Variants in STAT1 observed in about 807,000 individuals in gnomAD.
STAT1 encodes signal transducer and activator of transcription 1-alpha/beta.
Under a neutral mutation model 111.7 loss-of-function variants are expected in STAT1, and 24 were observed. The observed-to-expected ratio is 0.21, with a 90% CI of 0.16 to 0.30. The LOEUF (loss-of-function observed/expected upper bound fraction) is 0.30, where lower values mean the gene tolerates loss of function less well. Ranked by LOEUF, STAT1 falls within the 10% of genes least tolerant of loss-of-function variation. The pLI, the probability that STAT1 is intolerant of heterozygous loss-of-function variation, is 1.00. For missense variants in STAT1, 351 were observed against 911.9 expected, an observed-to-expected ratio of 0.38 and a Z score of 7.92; for synonymous variants, 332 against 326.5, an observed-to-expected ratio of 1.02 and a Z score of -0.18.
intron 2 of STAT1, among the ~76,000 whole-genome samples, chr2:191,011,414 GGT>G (rs138763777): frequency 5.3e-5 from 8 of 151,628 alleles, no homozygotes; most frequent in Non-Finnish European, 1.0e-4. Flanking sequence ...CTATCAACAA[GGT>G]GTGTGTGTGT....
Position 191,007,531 on chromosome 2 carries a change from T to C in STAT1, c.372+32A>G. 6.8e-7 allele frequency: 1 copy of C among 1,471,064 alleles called. No homozygotes were observed. The highest frequency in any genetic ancestry group is 9.5e-7 in the Non-Finnish European group (1 of 1,050,930). 91.1% of individuals were successfully genotyped at this position (1,471,064 alleles called of 1,614,324 possible). A position where few individuals can be genotyped will look rare whatever the true frequency, so the allele number is the denominator to read the frequency against. ...ATGAATGAATACATTTTTATTTTAT[T>C]ACAGTTTATGTGTTCAATGAGAAAA... On this transcript the variant is annotated intron_variant, in intron 5 of 24. Transcript: ENST00000361099. The surrounding 1 kb of genome is among the most constrained non-coding windows in gnomAD (Gnocchi z 4.2).
At position 191,008,839 on chromosome 2, in the gene STAT1, A is replaced by T. The variant is rs1396909668; in HGVS notation, c.273+124T>A. The T allele has an allele frequency of 7.2e-6, 7 of 966,960 alleles. No homozygotes were observed. In the Admixed American group the frequency reaches 1.7e-4, roughly 24 times the overall value. The allele number at this position is 966,960 out of a possible 1,614,324, so 59.9% of individuals were successfully genotyped here. A position where few individuals can be genotyped will look rare whatever the true frequency, so the allele number is the denominator to read the frequency against. On this transcript the variant is annotated intron_variant, in intron 4 of 24. Transcript: ENST00000361099. ...CTGATGCTGTAGAAAACATAAATGG[A>T]GTTAGTCTCTATTACTTCTCTAAAT...
rs1164106668 is a variant in STAT1 at position 190,989,916 on chromosome 2, C to A, written c.1038-242G>T. Among the ~76,000 whole-genome samples the A allele has an allele frequency of 1.3e-5, 2 of 152,184 alleles. No homozygotes were observed. Among genetic ancestry groups the A allele is most frequent in the Non-Finnish European group, 2.9e-5 (2 of 68,028 alleles). On this transcript the variant is annotated intron_variant, in intron 11 of 24. Coordinates refer to ENST00000361099, the MANE Select transcript of STAT1 (RefSeq NM_007315.4). The surrounding 1 kb of genome is among the most constrained non-coding windows in gnomAD (Gnocchi z 5.0). Reference sequence around the variant, plus strand: ...AACACTAATTCTGACAGGATGCCGCCCTGATTTTACATTGCCACCAAAAGT... The same window carrying A: ...AACACTAATTCTGACAGGATGCCGCACTGATTTTACATTGCCACCAAAAGT...
In STAT1 at chr2:190,986,267, G is replaced by A. The variant is rs114120411; in HGVS notation, c.1221+587C>T. On this transcript the variant is annotated intron_variant, in intron 14 of 24. Transcript: ENST00000361099. This position sits in a 1 kb window ranked among gnomAD's most constrained non-coding sequence, Gnocchi z 5.0. ...AGGTTCTGGGCCCAGGGAAAGCTTC[G>A]GACTCAGCACCCACAGAGCCTCACA... 2.3e-3 allele frequency among the ~76,000 whole-genome samples: 349 copies of A among 152,234 alleles called. 2 individuals carry two copies. The highest frequency in any genetic ancestry group is 7.3e-3 in the African/African-American group (303 of 41,510).
chr2:190,995,952 G>C lies in STAT1; in HGVS notation c.786-733C>G, dbSNP rs1429331971. ...AAGCAGGTGCTTCCAGGTGATGCAA[G>C]AGGCAGCAAAGAGCCACTGCAGGTT... On this transcript the variant is annotated intron_variant, in intron 9 of 24. Coordinates refer to ENST00000361099, the MANE Select transcript of STAT1 (RefSeq NM_007315.4). The surrounding 1 kb of genome is among the most constrained non-coding windows in gnomAD (Gnocchi z 4.2). Among the ~76,000 whole-genome samples, 1 of 152,188 alleles carries C rather than the reference G, an allele frequency of 6.6e-6. No homozygotes were observed. Among genetic ancestry groups the C allele is most frequent in the East Asian group, 1.9e-4 (1 of 5,184 alleles).
intron 24 of STAT1, among the ~76,000 whole-genome samples, chr2:190,972,346 C>T (rs989116262): frequency 1.3e-5 from 2 of 152,210 alleles, no homozygotes; most frequent in African/African-American, 4.8e-5. Context: ...CTATTACAGT[C>T]CCAGAGGAAA....
chr2:190,994,927 A>AAAATAT (rs1165918318), intron 10 of STAT1, 134 bp downstream of exon 10: 145 of 135,090 alleles, frequency 1.1e-3, no homozygotes, highest in Middle Eastern at 3.2e-3. Flanking sequence ...AAAAAAAAAA[A>AAAATAT]ATATATATAT....
Position 190,974,813 on chromosome 2 carries a change from C to T in STAT1, c.2238+17G>A. The T allele has an allele frequency of 6.2e-7, 1 of 1,605,806 alleles. No individual in the cohort carries two copies. The highest frequency in any genetic ancestry group is 8.5e-7 in the Non-Finnish European group (1 of 1,172,514). ...ACACTTATTGAGAGCTACACACAGG[C>T]CAGCCGTGGTACTCACCATACTGTC... On this transcript the variant is annotated intron_variant, in intron 24 of 24. Transcript: ENST00000361099. This position sits in a 1 kb window ranked among gnomAD's most constrained non-coding sequence, Gnocchi z 4.8.
At position 190,993,387 on chromosome 2, in the gene STAT1, T is replaced by G; in HGVS notation, c.944+1674A>C. ...TCTGCTGTGTTCCATATTTGAAGCTTGATTGTTTTCCCGTCTAACTCTATA... is the reference window on the plus strand; with the variant it reads ...TCTGCTGTGTTCCATATTTGAAGCTGGATTGTTTTCCCGTCTAACTCTATA... On this transcript the variant is annotated intron_variant, in intron 10 of 24. Coordinates refer to ENST00000361099, the MANE Select transcript of STAT1 (RefSeq NM_007315.4). The surrounding 1 kb of genome is among the most constrained non-coding windows in gnomAD (Gnocchi z 4.1). 7.4e-7 allele frequency: 1 copy of G among 1,350,570 alleles called. No homozygotes were observed. 83.7% of individuals were successfully genotyped at this position (1,350,570 alleles called of 1,614,324 possible).
In STAT1 at chr2:191,009,383, C is replaced by T. The variant is rs564602857; in HGVS notation, c.129-276G>A. ...GAAGGGGGAAAAGTCAACAGGGGAC[C>T]CTTCACTTTCTATGTCAAATACTTT... On this transcript the variant is annotated intron_variant, in intron 3 of 24. Coordinates refer to ENST00000361099, the MANE Select transcript of STAT1 (RefSeq NM_007315.4). Among the ~76,000 whole-genome samples the T allele has an allele frequency of 7.9e-5, 12 of 152,066 alleles. No homozygotes were observed. In the East Asian group the frequency reaches 2.3e-3, roughly 29 times the overall value.
intron 10 of STAT1, chr2:190,992,761 T>C (rs1693474943): frequency 2.7e-6 from 2 of 737,476 alleles, no homozygotes; most frequent in South Asian, 2.7e-5. Flanking sequence ...GCCATCATCA[T>C]GGAACACAGT....
Position 190,974,630 on chromosome 2 carries a change from G to A in STAT1, c.2238+200C>T, listed in dbSNP as rs1184822071. Among the ~76,000 whole-genome samples the A allele has an allele frequency of 2.6e-5, 4 of 152,224 alleles. No homozygotes were observed. Among genetic ancestry groups the A allele is most frequent in the Non-Finnish European group, 5.9e-5 (4 of 68,040 alleles). On this transcript the variant is annotated intron_variant, in intron 24 of 24. Coordinates refer to ENST00000361099, the MANE Select transcript of STAT1 (RefSeq NM_007315.4). This position sits in a 1 kb window ranked among gnomAD's most constrained non-coding sequence, Gnocchi z 4.8. ...GTTTTTTGGAAGGTGCTGAATGCGA[G>A]GAATAAAAATCCCACTGATGATGTA...
chr2:190,972,003 G>A (rs1285060995), intron 24 of STAT1, among the ~76,000 whole-genome samples: 3 of 152,152 alleles, frequency 2.0e-5, no homozygotes, highest in Non-Finnish European at 2.9e-5. Flanking sequence ...GTGAGCCACC[G>A]CGCCCGGCCT....
In STAT1 at chr2:190,999,779, C is replaced by G. The variant is rs1694127273; in HGVS notation, c.463-75G>C. 1.9e-6 allele frequency: 2 copies of G among 1,027,858 alleles called. No individual in the cohort carries two copies. The highest frequency in any genetic ancestry group is 2.6e-5 in the South Asian group (2 of 76,904). 63.7% of individuals were successfully genotyped at this position (1,027,858 alleles called of 1,614,324 possible). A position where few individuals can be genotyped will look rare whatever the true frequency, so the allele number is the denominator to read the frequency against. On this transcript the variant is annotated intron_variant, in intron 6 of 24. Transcript: ENST00000361099. The surrounding 1 kb of genome is among the most constrained non-coding windows in gnomAD (Gnocchi z 4.1). ...GACTTTAGGCAACAGAGTATTGCTT[C>G]TATGGAACCCAGAGAAACACGAAAA... is the stretch of plus-strand genomic sequence containing the variant.
Position 190,978,416 on chromosome 2 carries a change from A to C in STAT1, c.1873+440T>G, listed in dbSNP as rs1441263510. 1 of 231,470 alleles carries C rather than the reference A, an allele frequency of 4.3e-6. No homozygotes were observed. Among genetic ancestry groups the C allele is most frequent in the African/African-American group, 2.2e-5 (1 of 45,062 alleles). The allele number at this position is 231,470 out of a possible 1,614,324, so 14.3% of individuals were successfully genotyped here. A position where few individuals can be genotyped will look rare whatever the true frequency, so the allele number is the denominator to read the frequency against. The stretch of plus-strand genomic sequence containing the variant: ...AGGGTAGAGGCTGCCACTCGTCCCA[A>C]CAGGTCCTGCATCAACTCCCTGGCT... On this transcript the variant is annotated intron_variant, in intron 21 of 24. Transcript: ENST00000361099. This position sits in a 1 kb window ranked among gnomAD's most constrained non-coding sequence, Gnocchi z 6.1.
rs1013538894 is a variant in STAT1, at chr2:190,978,902, T to C, written c.1827A>G (p.Glu609=). The stretch of plus-strand genomic sequence containing the variant: ...CCACCCATGTGAATGTGATGGCCCC[T>C]TCCCGGGAGCTCTCACTGAACCGCA... The part of the protein sequence containing the change: ...FLLRFSESSR[E]GAITFTWVER... Residue 609 remains glutamate (E), a synonymous_variant, in exon 21 of 25, where the codon GAA becomes GAG. Coordinates refer to ENST00000361099, the MANE Select transcript of STAT1 (RefSeq NM_007315.4). The surrounding 1 kb of genome is among the most constrained non-coding windows in gnomAD (Gnocchi z 6.1). 4 of 1,614,166 alleles carry C rather than the reference T, an allele frequency of 2.5e-6. No homozygotes were observed. The highest frequency in any genetic ancestry group is 1.6e-4 in the Middle Eastern group (1 of 6,062).
rs1691777971 is a variant in STAT1, at chr2:190,974,821, G to A, written c.2238+9C>T. 6.2e-7 allele frequency: 1 copy of A among 1,610,250 alleles called. No homozygotes were observed. Among genetic ancestry groups the A allele is most frequent in the Non-Finnish European group, 8.5e-7 (1 of 1,176,652 alleles). ...TGAGAGCTACACACAGGCCAGCCGT[G>A]GTACTCACCATACTGTCGAATTCTA... is the stretch of plus-strand genomic sequence containing the variant. On this transcript the variant is annotated intron_variant, in intron 24 of 24. Transcript: ENST00000361099. This position sits in a 1 kb window ranked among gnomAD's most constrained non-coding sequence, Gnocchi z 4.8.
At chr2:191,008,559 C>A (rs540291613) in intron 4 of STAT1, among the ~76,000 whole-genome samples, 1 of 152,190 alleles carries the variant, frequency 6.6e-6, no homozygotes, top group Non-Finnish European at 1.5e-5. Context: ...CTGTTTTATT[C>A]CTCATTTGCA....
In STAT1 at chr2:190,983,030, T is replaced by C. The variant is rs1021140532; in HGVS notation, c.1447-512A>G. ...CATGGGAAGGCTGGGATGTGCCTTATGGAGAAAATACATGTGTGAGGCAAG... is the reference window on the plus strand; with the variant it reads ...CATGGGAAGGCTGGGATGTGCCTTACGGAGAAAATACATGTGTGAGGCAAG... On this transcript the variant is annotated intron_variant, in intron 17 of 24. Coordinates refer to ENST00000361099, the MANE Select transcript of STAT1 (RefSeq NM_007315.4). The surrounding 1 kb of genome is among the most constrained non-coding windows in gnomAD (Gnocchi z 5.7). Among the ~76,000 whole-genome samples the C allele has an allele frequency of 2.2e-4, 34 of 152,188 alleles. No individual in the cohort carries two copies. Among genetic ancestry groups the C allele is most frequent in the African/African-American group, 7.7e-4 (32 of 41,462 alleles).
Sources: allele counts gnomAD v4.1 joint callset (sites outside exome capture counted in the v4.1 genomes callset), GRCh38; gene constraint gnomAD v4.1.1; non-coding constraint Gnocchi (gnomAD v3.1); transcripts MANE v1.5; gene names NCBI Gene and HGNC (gene_info 2026-07-23, HGNC 2026-07-21).